The following TTC6 variants were observed in gnomAD, a reference collection of about 807,000 sequenced individuals.
TTC6 encodes the protein tetratricopeptide repeat domain 6.
TTC6 carries 172 observed loss-of-function variants against 210.4 expected under a neutral mutation model. The ratio of observed to expected loss-of-function variants is 0.82; its 90% confidence interval spans 0.72 to 0.93. TTC6 has a LOEUF of 0.93. Ranked by LOEUF, TTC6 falls within the 40% of genes least tolerant of loss-of-function variation. TTC6 has a pLI of 0.00. For synonymous variants in TTC6, 804 were observed against 819.6 expected (o/e 0.98, Z 0.32); for missense variants, 2,414 against 2,318.1 (o/e 1.04, Z -0.85).
intron 11 of TTC6, 59 bp from the exon 14 acceptor site, chr14:37,749,655 G>C: frequency 1.7e-6 from 2 of 1,199,134 alleles, no homozygotes; most frequent in Non-Finnish European, 2.1e-6. Context: ...AAATTTATTT[G>C]ATAGGATATC....
At chr14:37,788,675 T>G (rs527962150) in intron 15 of TTC6, among the ~76,000 whole-genome samples, 2 of 152,278 alleles carry the variant, frequency 1.3e-5, no homozygotes, top group African/African-American at 4.8e-5. Flanking sequence ...CACCCTCACT[T>G]CTGTGGCTAC....
At chr14:37,617,074 T>C (rs1050899698), upstream of TTC6, among the ~76,000 whole-genome samples, 2 of 151,966 alleles carry the variant, frequency 1.3e-5, no homozygotes, top group African/African-American at 4.8e-5. Context: ...CAGGGTCTCC[T>C]TATGTTGCCT....
intron 14 of TTC6, among the ~76,000 whole-genome samples, chr14:37,765,617 C>T (rs1284130370): frequency 1.3e-5 from 2 of 151,970 alleles, no homozygotes; most frequent in African/African-American, 4.8e-5. Flanking sequence ...TTAAATTTAC[C>T]TATTCAGTAC....
At chr14:37,823,911 A>T (rs138200291) in exon 27 of TTC6, 1 of 1,613,992 alleles carries the variant, frequency 6.2e-7, no homozygotes, top group Non-Finnish European at 8.5e-7. Context: ...CTGCATATTA[A>T]TCCAGCATAC....
chr14:37,627,027 G>T (rs2095661553), intron 1 of TTC6, among the ~76,000 whole-genome samples: 1 of 152,108 alleles, frequency 6.6e-6, no homozygotes, highest in Non-Finnish European at 1.5e-5. Flanking sequence ...ATCCCTCATG[G>T]CTTGGTGCTC....
At chr14:37,728,211 G>T (rs1490852571) in intron 7 of TTC6, among the ~76,000 whole-genome samples, 1 of 152,106 alleles carries the variant, frequency 6.6e-6, no homozygotes, top group Non-Finnish European at 1.5e-5. Flanking sequence ...ATTTTATGTG[G>T]CATATTTATT....
chr14:37,667,823 C>T lies in TTC6; in HGVS notation c.940-12328C>T, dbSNP rs887258255. ...CCTCCACTAAAGTTTATTCACCAGA[C>T]ACTAGTATTAATTTATTTTAAAATT... is the stretch of plus-strand genomic sequence containing the variant. On this transcript the variant is annotated intron_variant, in intron 1 of 30. Coordinates refer to ENST00000553443, the Ensembl canonical transcript of TTC6. Among the ~76,000 whole-genome samples the T allele has an allele frequency of 1.3e-5, 2 of 150,590 alleles. 1 individual carries two copies. Among genetic ancestry groups the T allele is most frequent in the Non-Finnish European group, 3.0e-5 (2 of 67,132 alleles).
At chr14:37,700,924 C>T (rs556457412) in intron 4 of TTC6, among the ~76,000 whole-genome samples, 24 of 152,092 alleles carry the variant, frequency 1.6e-4, no homozygotes, top group Non-Finnish European at 2.6e-4. Context: ...TATATTGTTC[C>T]ACTTCTTTAG....
At chr14:37,801,390 G>A (rs2096106202) in intron 20 of TTC6, among the ~76,000 whole-genome samples, 1 of 151,992 alleles carries the variant, frequency 6.6e-6, no homozygotes, top group Non-Finnish European at 1.5e-5. Context: ...AATTACTGGG[G>A]GCCAGATCAT....
chr14:37,710,029 G>A (rs1243818531), intron 5 of TTC6, among the ~76,000 whole-genome samples: 3 of 152,082 alleles, frequency 2.0e-5, no homozygotes, highest in Non-Finnish European at 2.9e-5. Context: ...TTAAAAAATG[G>A]TATCTAGAAT....
intron 1 of TTC6, among the ~76,000 whole-genome samples, chr14:37,675,236 A>G (rs911102721): frequency 5.3e-5 from 8 of 151,896 alleles, no homozygotes; most frequent in Admixed American, 5.3e-4. Context: ...CATTCCCTAT[A>G]CCCCACAGGC....
rs559455808 is a variant in TTC6, at chr14:37,800,503, G to A, written c.4029+3556G>A. 3.2e-3 allele frequency among the ~76,000 whole-genome samples: 486 copies of A among 152,298 alleles called. 2 individuals carry two copies. Among genetic ancestry groups the A allele is most frequent in the African/African-American group, 0.011 (446 of 41,558 alleles). Reference sequence around the variant, plus strand: ...AAAAGAGGACAAAATTCAGTCAAGAGAAAAGGACAAGGTGTGGCCGGACAA... The same window carrying A: ...AAAAGAGGACAAAATTCAGTCAAGAAAAAAGGACAAGGTGTGGCCGGACAA... On this transcript the variant is annotated intron_variant, in intron 20 of 30. Coordinates refer to ENST00000553443, the Ensembl canonical transcript of TTC6.
chr14:37,657,888 T>G lies in TTC6; in HGVS notation c.940-22263T>G, dbSNP rs572912668. 9.8e-5 allele frequency among the ~76,000 whole-genome samples: 15 copies of G among 152,332 alleles called. No individual in the cohort carries two copies. The South Asian group carries it at 3.1e-3, about 32-fold the overall frequency. ...GTATGTACCAACCGTTAAAAACATT[T>G]TTGTCTGACCTTGCAGGATGAAAAA... is the stretch of plus-strand genomic sequence containing the variant. On this transcript the variant is annotated intron_variant, in intron 1 of 30. Coordinates refer to ENST00000553443, the Ensembl canonical transcript of TTC6.
chr14:37,771,272 A>C (rs79783179), intron 14 of TTC6, among the ~76,000 whole-genome samples: 5,065 of 151,958 alleles, frequency 0.033, 136 homozygotes, highest in Non-Finnish European at 0.051. Context: ...GAATCTGACA[A>C]TTATGTGTCT....
rs2095608172 is a variant in TTC6 at position 37,598,182 on chromosome 14, T to C, written c.-235+2174T>C. ...CATTGGAAACTGTGCTTTGCAAGGA[T>C]TGTGCTGCTCGTTGGAGGAAACCAG... On this transcript the variant is annotated intron_variant, in intron 1 of 2. Coordinates refer to the TTC6 transcript ENST00000556845. This position sits in a 1 kb window ranked among gnomAD's most constrained non-coding sequence, Gnocchi z 4.9. Among the ~76,000 whole-genome samples the C allele has an allele frequency of 6.6e-6, 1 of 152,172 alleles. No homozygotes were observed. The highest frequency in any genetic ancestry group is 2.4e-5 in the African/African-American group (1 of 41,454).
At chr14:37,720,003 A>G (rs1309901997) in intron 6 of TTC6, among the ~76,000 whole-genome samples, 1 of 152,188 alleles carries the variant, frequency 6.6e-6, no homozygotes, top group African/African-American at 2.4e-5. Flanking sequence ...ACTCAATATA[A>G]AAATATCTAA....
chr14:37,785,088 C>G (rs137890093), intron 14 of TTC6, among the ~76,000 whole-genome samples: 3,061 of 152,250 alleles, frequency 0.02, 99 homozygotes, highest in African/African-American at 0.07. Context: ...GTGAATCTGA[C>G]AATTATGTGT....
rs185931030 is a variant in TTC6, at chr14:37,624,397, C to A, written c.939+1394C>A. Reference sequence around the variant, plus strand: ...CCCTACTTCTGACATAGGCTCCATGCTCTACGACATAGTTAAGGTACTTGA... The same window carrying A: ...CCCTACTTCTGACATAGGCTCCATGATCTACGACATAGTTAAGGTACTTGA... On this transcript the variant is annotated intron_variant, in intron 1 of 30. Transcript: ENST00000553443. 1.3e-4 allele frequency among the ~76,000 whole-genome samples: 20 copies of A among 152,288 alleles called. No homozygotes were observed. The East Asian group carries it at 2.3e-3, about 18-fold the overall frequency.
intron 13 of TTC6, among the ~76,000 whole-genome samples, chr14:37,751,674 A>G (rs1448899771): frequency 6.6e-6 from 1 of 152,080 alleles, no homozygotes; most frequent in Non-Finnish European, 1.5e-5. Flanking sequence ...ACGTTCATTC[A>G]CTCATTCGCT....
Sources: allele counts gnomAD v4.1 joint callset (sites outside exome capture counted in the v4.1 genomes callset), GRCh38; gene constraint gnomAD v4.1.1; non-coding constraint Gnocchi (gnomAD v3.1); transcripts MANE v1.5; gene names NCBI Gene and HGNC (gene_info 2026-07-23, HGNC 2026-07-21).